Variants in GRIN2B observed in about 807,000 individuals in gnomAD.
GRIN2B encodes glutamate ionotropic receptor NMDA type subunit 2B.
A neutral mutation model predicts 114.5 loss-of-function variants in GRIN2B; 5 were observed. The observed-to-expected ratio is 0.04, with a 90% CI of 0.02 to 0.09. The LOEUF is 0.09. GRIN2B is among the 10% of genes least tolerant of loss of function. GRIN2B has a pLI of 1.00. For missense variants in GRIN2B, 1,108 were observed against 1,943.5 expected, an observed-to-expected ratio of 0.57 and a Z score of 8.08; for synonymous variants, 787 against 745.1, an observed-to-expected ratio of 1.06 and a Z score of -0.92.
intron 3 of GRIN2B, among the ~76,000 whole-genome samples, chr12:13,796,261 A>G (rs1220628780): frequency 6.6e-6 from 1 of 152,156 alleles, no homozygotes; most frequent in Non-Finnish European, 1.5e-5. Flanking sequence ...CTCTCCTGAA[A>G]ACTTGACCAA....
chr12:13,878,700 C>T (rs1310266960), intron 2 of GRIN2B, among the ~76,000 whole-genome samples: 3 of 152,198 alleles, frequency 2.0e-5, no homozygotes, highest in Non-Finnish European at 2.9e-5. Flanking sequence ...ATGCTACTCC[C>T]TGCTTATCCT....
chr12:13,791,286 C>T (rs1864315393), intron 3 of GRIN2B, among the ~76,000 whole-genome samples: 1 of 151,816 alleles, frequency 6.6e-6, no homozygotes, highest in Non-Finnish European at 1.5e-5. Context: ...CCCGTCTCTA[C>T]TAAAAATACA....
chr12:13,772,984 G>A (rs778145389), intron 3 of GRIN2B, among the ~76,000 whole-genome samples: 2 of 152,280 alleles, frequency 1.3e-5, no homozygotes, highest in Non-Finnish European at 2.9e-5. Flanking sequence ...GAAGGGCCCA[G>A]AGATACCATG....
chr12:13,770,995 A>G (rs968358369), intron 3 of GRIN2B, among the ~76,000 whole-genome samples: 1 of 152,170 alleles, frequency 6.6e-6, no homozygotes, highest in African/African-American at 2.4e-5. Context: ...CTCCTAAGTA[A>G]CTGATATGGT....
At chr12:13,770,925 G>A (rs1381867594) in intron 3 of GRIN2B, among the ~76,000 whole-genome samples, 1 of 152,090 alleles carries the variant, frequency 6.6e-6, no homozygotes. Context: ...TCTTCCCTAG[G>A]TGCCTCAACT....
chr12:13,686,817 G>A (rs1950177364), intron 4 of GRIN2B, among the ~76,000 whole-genome samples: 1 of 152,122 alleles, frequency 6.6e-6, no homozygotes, highest in South Asian at 2.1e-4. Flanking sequence ...TCCAAGCAAG[G>A]ATGTGTGTCC....
intron 10 of GRIN2B, among the ~76,000 whole-genome samples, chr12:13,607,407 A>ATTT: frequency 1.3e-5 from 1 of 74,394 alleles, no homozygotes; most frequent in African/African-American, 6.0e-5. Context: ...TATAATATAT[A>ATTT]AAATATATAA....
chr12:13,868,029 G>A (rs1038781657), intron 2 of GRIN2B, among the ~76,000 whole-genome samples: 1 of 152,178 alleles, frequency 6.6e-6, no homozygotes, highest in Non-Finnish European at 1.5e-5. Context: ...GGGCATTAAT[G>A]ATTTGGGAGC....
chr12:13,868,164 G>T (rs1865855500), intron 2 of GRIN2B, among the ~76,000 whole-genome samples: 1 of 152,100 alleles, frequency 6.6e-6, no homozygotes, highest in African/African-American at 2.4e-5. Context: ...GACCTGTATT[G>T]ATTGCCTTGT....
chr12:13,657,553 G>T (rs775523512), intron 5 of GRIN2B, among the ~76,000 whole-genome samples: 1 of 152,142 alleles, frequency 6.6e-6, no homozygotes, highest in Non-Finnish European at 1.5e-5. Flanking sequence ...CTCTTCAGCA[G>T]TTCACTAAAA....
At chr12:13,700,939 C>T (rs1197123761) in intron 4 of GRIN2B, among the ~76,000 whole-genome samples, 4 of 152,050 alleles carry the variant, frequency 2.6e-5, no homozygotes, top group Non-Finnish European at 5.9e-5. Flanking sequence ...AAAGAACTTC[C>T]CAAGACTGGG....
At chr12:13,723,085 C>G (rs939280138) in intron 4 of GRIN2B, among the ~76,000 whole-genome samples, 1 of 151,872 alleles carries the variant, frequency 6.6e-6, no homozygotes, top group Non-Finnish European at 1.5e-5. Flanking sequence ...ATATGCAACC[C>G]GGAGATACAG....
At chr12:13,864,569 A>G (rs1320429372) in intron 3 of GRIN2B, among the ~76,000 whole-genome samples, 1 of 152,232 alleles carries the variant, frequency 6.6e-6, no homozygotes, top group East Asian at 1.9e-4. Context: ...TGCAAAGGAC[A>G]GTGCATATGT....
rs145467720 is a variant in GRIN2B at position 13,546,624 on chromosome 12, C to G, written c.*16159G>C. On this transcript the variant is annotated 3_prime_UTR_variant, in exon 14 of 14. Transcript: ENST00000609686. ...GTCACTGAATCTATTTCCCATTCAA[C>G]CTTCTGTTTCTCATTCCAATAGACA... 3 of 152,278 alleles carry G rather than the reference C, an allele frequency of 2.0e-5. No homozygotes were observed. Among genetic ancestry groups the G allele is most frequent in the African/African-American group, 7.2e-5 (3 of 41,548 alleles). The allele number at this position is 152,278 out of a possible 1,614,324, so 9.4% of individuals were successfully genotyped here. A position where few individuals can be genotyped will look rare whatever the true frequency, so the allele number is the denominator to read the frequency against.
chr12:13,555,374 G>T lies in GRIN2B; in HGVS notation c.*7409C>A, dbSNP rs1948466590. On this transcript the variant is annotated 3_prime_UTR_variant, in exon 14 of 14. Coordinates refer to ENST00000609686, the MANE Select transcript of GRIN2B (RefSeq NM_000834.5). ...ATTGATGAAGCCATGAGCATAAGGT[G>T]AGGAAGTGGAGAAAGAAAGACTACC... 1.3e-5 allele frequency: 2 copies of T among 152,196 alleles called. No individual in the cohort carries two copies. The highest frequency in any genetic ancestry group is 4.8e-5 in the African/African-American group (2 of 41,444). 9.4% of individuals were successfully genotyped at this position (152,196 alleles called of 1,614,324 possible).
intron 2 of GRIN2B, among the ~76,000 whole-genome samples, chr12:13,896,553 A>G (rs942144307): frequency 2.0e-5 from 3 of 152,216 alleles, no homozygotes; most frequent in Non-Finnish European, 4.4e-5. Context: ...TCCAAAATGA[A>G]TATAATGTAC....
intron 3 of GRIN2B, among the ~76,000 whole-genome samples, chr12:13,792,076 G>A (rs549871903): frequency 6.6e-5 from 10 of 152,220 alleles, no homozygotes; most frequent in African/African-American, 2.2e-4. Flanking sequence ...TCTGTGCTTC[G>A]TTGTTTCACT....
At chr12:13,956,643 A>C (rs865920638) in intron 2 of GRIN2B, among the ~76,000 whole-genome samples, 1 of 152,142 alleles carries the variant, frequency 6.6e-6, no homozygotes. Context: ...AACGAGCCGC[A>C]TCATCACGAG....
intron 4 of GRIN2B, among the ~76,000 whole-genome samples, chr12:13,677,188 A>C (rs1001502289): frequency 1.3e-5 from 2 of 152,180 alleles, no homozygotes; most frequent in Non-Finnish European, 2.9e-5. Flanking sequence ...CCTTGGGCTT[A>C]ATGTTTCTTG....
Sources: gnomAD v4.1 joint callset for allele counts (sites outside exome capture counted in the v4.1 genomes callset) on GRCh38, gnomAD v4.1.1 for gene constraint, MANE v1.5 for transcripts, NCBI Gene and HGNC (gene_info 2026-07-23, HGNC 2026-07-21) for gene names.